The following CNBD1 variants were observed in gnomAD, a reference collection of about 807,000 sequenced individuals.
The protein encoded by CNBD1 is cyclic nucleotide binding domain containing 1.
A neutral mutation model predicts 54.4 loss-of-function variants in CNBD1; 71 were observed. That is an observed-to-expected ratio of 1.30 (90% CI 1.08 to 1.59). The LOEUF (loss-of-function observed/expected upper bound fraction) is 1.59, where lower values mean the gene tolerates loss of function less well. Ranked by LOEUF, CNBD1 falls within the 40% of genes most tolerant of loss-of-function variation. The probability of loss-of-function intolerance (pLI) is 0.00; values close to 1 mark genes in which losing one functional copy is unlikely to be tolerated. For synonymous variants in CNBD1, 182 were observed against 170.7 expected, an observed-to-expected ratio of 1.07 and a Z score of -0.51; for missense variants, 659 against 518.0, an observed-to-expected ratio of 1.27 and a Z score of -2.64.
At chr8:86,884,854 T>C (rs1808657894) in intron 1 of CNBD1, among the ~76,000 whole-genome samples, 1 of 152,216 alleles carries the variant, frequency 6.6e-6, no homozygotes, top group African/African-American at 2.4e-5. Context: ...GATTAATTAT[T>C]AGAGTATGTA....
At chr8:86,893,260 T>G (rs552010940) in intron 2 of CNBD1, among the ~76,000 whole-genome samples, 1 of 152,212 alleles carries the variant, frequency 6.6e-6, no homozygotes, top group Non-Finnish European at 1.5e-5. Context: ...TACACTCTTA[T>G]AGCCAATTGT....
At chr8:87,392,806 G>A (rs1275356791) in intron 2 of CNBD1, among the ~76,000 whole-genome samples, 1 of 151,908 alleles carries the variant, frequency 6.6e-6, no homozygotes, top group Admixed American at 6.6e-5. Context: ...AAACTGTGTT[G>A]TACGTGACTT....
chr8:87,015,848 G>T (rs956647632), intron 4 of CNBD1, among the ~76,000 whole-genome samples: 4 of 151,900 alleles, frequency 2.6e-5, no homozygotes, highest in African/African-American at 9.7e-5. Flanking sequence ...TGGTGTGGTG[G>T]TGGGTACCTG....
intron 4 of CNBD1, among the ~76,000 whole-genome samples, chr8:86,971,959 C>CT (rs576929582): frequency 0.014 from 1,999 of 147,268 alleles, 35 homozygotes; most frequent in African/African-American, 0.039. Context: ...TTAAATAGAA[C>CT]TTTTTTTTTT....
intron 8 of CNBD1, among the ~76,000 whole-genome samples, chr8:87,287,122 A>G (rs1294441237): frequency 6.6e-6 from 1 of 152,172 alleles, no homozygotes; most frequent in African/African-American, 2.4e-5. Flanking sequence ...AAAAATAATT[A>G]TGGAGAATGA....
intron 3 of CNBD1, among the ~76,000 whole-genome samples, chr8:86,912,044 A>T (rs573358522): frequency 1.3e-4 from 20 of 152,272 alleles, no homozygotes; most frequent in Admixed American, 7.8e-4. Flanking sequence ...GTATTACGCA[A>T]AATGTGACAT....
chr8:87,342,222 G>A lies in CNBD1; in HGVS notation c.1043-9463G>A, dbSNP rs189329183. ...CAGGAGGCAGAGCTTGCAGTGAGCTGAGATTGTGCCACTGCACTCCAGCCT... is the reference window on the plus strand; with the variant it reads ...CAGGAGGCAGAGCTTGCAGTGAGCTAAGATTGTGCCACTGCACTCCAGCCT... On this transcript the variant is annotated intron_variant, in intron 8 of 10. Transcript: ENST00000518476. Among the ~76,000 whole-genome samples, 428 of 151,632 alleles carry A rather than the reference G, an allele frequency of 2.8e-3. 4 individuals are homozygous for A. Among genetic ancestry groups the A allele is most frequent in the African/African-American group, 9.3e-3 (383 of 41,296 alleles).
intron 2 of CNBD1, among the ~76,000 whole-genome samples, chr8:87,393,751 A>C (rs1250395815): frequency 6.6e-6 from 1 of 151,900 alleles, no homozygotes; most frequent in Non-Finnish European, 1.5e-5. Context: ...AACCACCCTG[A>C]ACAGGCACAG....
intron 5 of CNBD1, among the ~76,000 whole-genome samples, chr8:87,229,679 A>T (rs932925809): frequency 2.6e-5 from 4 of 152,132 alleles, no homozygotes; most frequent in Non-Finnish European, 5.9e-5. Context: ...TTACAATGTT[A>T]AATTTTTTGT....
At chr8:87,138,815 G>C (rs770612097) in intron 4 of CNBD1, among the ~76,000 whole-genome samples, 5 of 152,176 alleles carry the variant, frequency 3.3e-5, no homozygotes, top group African/African-American at 7.2e-5. Context: ...GTCCAGGATT[G>C]ATCCTGGGCA....
intron 6 of CNBD1, among the ~76,000 whole-genome samples, chr8:87,273,501 G>C (rs1426538430): frequency 1.3e-5 from 2 of 151,962 alleles, no homozygotes; most frequent in African/African-American, 2.4e-5. Context: ...AGGAGTACTT[G>C]AGATCCACTT....
intron 4 of CNBD1, among the ~76,000 whole-genome samples, chr8:86,961,714 T>C (rs1586164881): frequency 6.6e-6 from 1 of 152,338 alleles, no homozygotes; most frequent in East Asian, 1.9e-4. Flanking sequence ...CCTACCACGA[T>C]CTTTGTAAGG....
intron 4 of CNBD1, among the ~76,000 whole-genome samples, chr8:87,013,567 A>G (rs1414080180): frequency 6.6e-6 from 1 of 151,824 alleles, no homozygotes; most frequent in Non-Finnish European, 1.5e-5. Flanking sequence ...CTGAGATTAA[A>G]AAAAATAATA....
At chr8:87,227,337 G>C (rs1194677338) in intron 5 of CNBD1, among the ~76,000 whole-genome samples, 6 of 147,480 alleles carry the variant, frequency 4.1e-5, no homozygotes, top group Admixed American at 2.7e-4. Flanking sequence ...TCCTAGTCTC[G>C]ATGGTCTTTA....
At chr8:87,415,390 A>G (rs557963271) in intron 2 of CNBD1, among the ~76,000 whole-genome samples, 11 of 152,160 alleles carry the variant, frequency 7.2e-5, no homozygotes, top group African/African-American at 2.2e-4. Context: ...TTCATAGGTT[A>G]TTTCTGAAGA....
chr8:87,299,771 C>T (rs955156200), intron 8 of CNBD1, among the ~76,000 whole-genome samples: 1 of 152,094 alleles, frequency 6.6e-6, no homozygotes, highest in Admixed American at 6.6e-5. Context: ...GCAGATGTGG[C>T]CCTATGCTAG....
intron 2 of CNBD1, among the ~76,000 whole-genome samples, chr8:87,413,214 C>A (rs548621262): frequency 1.3e-5 from 2 of 152,100 alleles, no homozygotes; most frequent in South Asian, 4.1e-4. Flanking sequence ...TATCTGGGAA[C>A]AAAAGGAAGG....
intron 4 of CNBD1, among the ~76,000 whole-genome samples, chr8:87,193,033 G>T (rs1305646730): frequency 6.6e-6 from 1 of 152,088 alleles, no homozygotes; most frequent in Non-Finnish European, 1.5e-5. Flanking sequence ...AGGATGGAAG[G>T]ATATGTTTTT....
chr8:87,041,216 G>T (rs1810060744), intron 4 of CNBD1, among the ~76,000 whole-genome samples: 1 of 152,156 alleles, frequency 6.6e-6, no homozygotes, highest in Non-Finnish European at 1.5e-5. Context: ...GTTAGGGAAT[G>T]ACAGGAGGGG....
Sources: allele counts gnomAD v4.1 joint callset (sites outside exome capture counted in the v4.1 genomes callset), GRCh38; gene constraint gnomAD v4.1.1; transcripts MANE v1.5; gene names NCBI Gene and HGNC (gene_info 2026-07-23, HGNC 2026-07-21).